PALM3: variants seen among roughly 807,000 people sequenced by gnomAD.
PALM3 encodes the protein paralemmin-3.
PALM3 carries 20 observed loss-of-function variants against 27.9 expected under a neutral mutation model. The observed-to-expected ratio is 0.72, with a 90% CI of 0.50 to 1.04. PALM3 has a LOEUF of 1.04. Among genes scored for constraint, PALM3 ranks in the 50% least tolerant of loss-of-function variants. PALM3 has a pLI of 0.00. For missense variants in PALM3, 814 were observed against 869.4 expected, an observed-to-expected ratio of 0.94 and a Z score of 0.80; for synonymous variants, 328 against 352.7, an observed-to-expected ratio of 0.93 and a Z score of 0.79.
chr19:14,056,915 A>C, intron 3 of PALM3, 111 bp from the exon 4 acceptor site: 1 of 1,125,986 alleles, frequency 8.9e-7, no homozygotes, highest in Non-Finnish European at 1.2e-6. Flanking sequence ...CCTCACAACC[A>C]GTTGCGACAT....
chr19:14,054,421 C>G lies in PALM3; in HGVS notation c.1251G>C (p.Met417Ile). The G allele has an allele frequency of 6.4e-7, 1 of 1,551,948 alleles. No individual in the cohort carries two copies. The highest frequency in any genetic ancestry group is 8.7e-7 in the Non-Finnish European group (1 of 1,147,008). The stretch of plus-strand genomic sequence containing the variant: ...CTGGCTTTTCCTCACTTCCTATTCC[C>G]ATGGATTCTTCCGCTTTTCTCTTCT... ...EAEKRKAEESMGIGSEEKPGT... is the reference protein window; with the variant it reads ...EAEKRKAEESIGIGSEEKPGT... The change falls in exon 7 of 7, where the codon ATG (methionine) becomes ATC (isoleucine). Residue 417 changes from methionine to isoleucine, a missense_variant. By Grantham distance (10) the Met-to-Ile change is conservative. Transcript: ENST00000669674.
rs1163225231 is a variant in PALM3 at position 14,055,373 on chromosome 19, C to T, written c.445+7G>A. ...TGACCCCCAGACCTAGGGGCTCCCA[C>T]ACTTACCTACAGAACCTGCCTCGAC... On this transcript the variant is annotated splice_region_variant and intron_variant, in intron 6 of 6. Coordinates refer to ENST00000669674, the MANE Select transcript of PALM3 (RefSeq NM_001145028.2). 1 of 1,550,026 alleles carries T rather than the reference C, an allele frequency of 6.5e-7. No individual in the cohort carries two copies.
In PALM3 at chr19:14,055,118, G is replaced by A. The variant is rs1429965671; in HGVS notation, c.554C>T (p.Pro185Leu). Residue 185 changes from proline (P) to leucine (L), a missense_variant, in exon 7 of 7, where the codon CCG becomes CTG. Transcript: ENST00000669674. ...TCCTGCTGCCCCGGGGACCTGCCTC[G>A]GGCCTGGCAGAAACCCCAAGACATC... ...REDVLGFLPGPRQVPGAAGDS... is the reference protein window; with the variant it reads ...REDVLGFLPGLRQVPGAAGDS... 1.3e-5 allele frequency: 20 copies of A among 1,551,408 alleles called. No homozygotes were observed. The highest frequency in any genetic ancestry group is 5.5e-5 in the African/African-American group (4 of 73,052).
rs149887813 is a variant in PALM3 at position 14,058,490 on chromosome 19, G to T, written c.90+625C>A. Among the ~76,000 whole-genome samples the T allele has an allele frequency of 1.5e-3, 223 of 151,920 alleles. 1 individual carries two copies. The highest frequency in any genetic ancestry group is 5.0e-3 in the African/African-American group (206 of 41,376). Reference sequence around the variant, plus strand: ...CAGAGATGGGGATCAAAAGGAGGATGCTAGTGAGTAGTGAGATGGGAGTGC... The same window carrying T: ...CAGAGATGGGGATCAAAAGGAGGATTCTAGTGAGTAGTGAGATGGGAGTGC... On this transcript the variant is annotated intron_variant, in intron 2 of 6. Coordinates refer to ENST00000669674, the MANE Select transcript of PALM3 (RefSeq NM_001145028.2).
intron 2 of PALM3, among the ~76,000 whole-genome samples, chr19:14,058,234 T>G (rs1599309975): frequency 3.7e-5 from 4 of 107,680 alleles, no homozygotes; most frequent in Admixed American, 2.3e-4. Flanking sequence ...GAGGTGGGGG[T>G]GCAGAGAGAT....
intron 2 of PALM3, among the ~76,000 whole-genome samples, chr19:14,058,183 G>A (rs1599309944): frequency 6.6e-6 from 1 of 151,420 alleles, no homozygotes; most frequent in African/African-American, 2.4e-5. Flanking sequence ...GGAGCCCAGA[G>A]TAATGGAGTG....
rs1439974211 is a variant in PALM3, at chr19:14,062,038, T to A, written c.-58A>T. 5 of 970,322 alleles carry A rather than the reference T, an allele frequency of 5.2e-6. No individual in the cohort carries two copies. In the East Asian group the frequency reaches 3.4e-4, roughly 67 times the overall value. 60.1% of individuals were successfully genotyped at this position (970,322 alleles called of 1,614,324 possible). A position where few individuals can be genotyped will look rare whatever the true frequency, so the allele number is the denominator to read the frequency against. ...GTTCTGGACCCACCACCCGCTTGCC[T>A]GAAGGTGCCCCGGAGGCTGTGACTT... On this transcript the variant is annotated 5_prime_UTR_variant, in exon 1 of 7. Coordinates refer to ENST00000669674, the MANE Select transcript of PALM3 (RefSeq NM_001145028.2).
At chr19:14,059,250 C>T in intron 1 of PALM3, 87 bp from the exon 2 acceptor site, 1 of 1,275,198 alleles carries the variant, frequency 7.8e-7, no homozygotes, top group Non-Finnish European at 1.0e-6. Flanking sequence ...TGGAAATTGC[C>T]CCGAGCCCAG....
rs1976288192 is a variant in PALM3 at position 14,055,423 on chromosome 19, A to C, written c.402T>G (p.Gly134=). The change falls in exon 6 of 7, where the codon GGT becomes GGG. Residue 134 remains glycine, a splice_region_variant and synonymous_variant. Transcript: ENST00000669674. ...PSGRPSWRRQ[G]HRPLSQSIVE... is the part of the protein sequence containing the mutation. ...CAATGGACTGGGAGAGAGGACGGTG[A>C]CCCTGCAGAGATGGCGGAGACAAGG... is the stretch of plus-strand genomic sequence containing the variant. 1 of 1,551,176 alleles carries C rather than the reference A, an allele frequency of 6.4e-7. No individual in the cohort carries two copies. Among genetic ancestry groups the C allele is most frequent in the Non-Finnish European group, 8.7e-7 (1 of 1,146,882 alleles).
In PALM3 at chr19:14,062,018, G is replaced by A. The variant is rs1166667323; in HGVS notation, c.-38C>T. 1 of 984,664 alleles carries A rather than the reference G, an allele frequency of 1.0e-6. No homozygotes were observed. The highest frequency in any genetic ancestry group is 1.2e-6 in the Non-Finnish European group (1 of 829,370). The allele number at this position is 984,664 out of a possible 1,614,324, so 61.0% of individuals were successfully genotyped here. On this transcript the variant is annotated 5_prime_UTR_variant, in exon 1 of 7. Transcript: ENST00000669674. ...GTTCACTTTCTGGTCTCCGAGTTCTGGACCCACCACCCGCTTGCCTGAAGG... is the reference window on the plus strand; with the variant it reads ...GTTCACTTTCTGGTCTCCGAGTTCTAGACCCACCACCCGCTTGCCTGAAGG...
In PALM3 at chr19:14,054,604, G is replaced by A. The variant is rs1181999319; in HGVS notation, c.1068C>T (p.Phe356=). ...QGGSGGEEGS[F]IWVERVTLSE... ...TGAGGGTCACTCTCTCCACCCAAATGAAGGATCCCTCCTCTCCTCCAGAGC... is the reference window on the plus strand; with the variant it reads ...TGAGGGTCACTCTCTCCACCCAAATAAAGGATCCCTCCTCTCCTCCAGAGC... Residue 356 remains phenylalanine, a synonymous_variant, in exon 7 of 7, where the codon TTC becomes TTT. Coordinates refer to ENST00000669674, the MANE Select transcript of PALM3 (RefSeq NM_001145028.2). 6.4e-7 allele frequency: 1 copy of A among 1,551,594 alleles called. No homozygotes were observed. Among genetic ancestry groups the A allele is most frequent in the Non-Finnish European group, 8.7e-7 (1 of 1,146,996 alleles).
In PALM3 at chr19:14,054,538, C is replaced by T. The variant is rs1455057346; in HGVS notation, c.1134G>A (p.Gly378=). 2 of 1,551,526 alleles carry T rather than the reference C, an allele frequency of 1.3e-6. No individual in the cohort carries two copies. Among genetic ancestry groups the T allele is most frequent in the Non-Finnish European group, 1.7e-6 (2 of 1,146,990 alleles). Residue 378 remains glycine, a synonymous_variant, in exon 7 of 7, where the codon GGG becomes GGA. Transcript: ENST00000669674. The part of the protein sequence containing the change: ...WEELLVEGLE[G]PEVAGRERGD... The stretch of plus-strand genomic sequence containing the variant: ...CTCTCTCCCTCCCTGCCACCTCGGG[C>T]CCTTCCAACCCCTCCACCAGCAGCT...
In PALM3 at chr19:14,053,727, G is replaced by T. The variant is rs1228328866; in HGVS notation, c.1945C>A (p.Pro649Thr). The part of the protein sequence containing the change: ...LLQGEGPSAN[P>T]SAHPVPTYAP... ...TAGGTGGGCACAGGGTGGGCACTGG[G>T]GTTGGCGCTGGGCCCCTCCCCCTGA... Residue 649 changes from proline (P) to threonine (T), a missense_variant, in exon 7 of 7, where the codon CCC becomes ACC. Transcript: ENST00000669674. 2 of 1,526,828 alleles carry T rather than the reference G, an allele frequency of 1.3e-6. No homozygotes were observed. Among genetic ancestry groups the T allele is most frequent in the Admixed American group, 4.2e-5 (2 of 47,410 alleles). 94.6% of individuals were successfully genotyped at this position (1,526,828 alleles called of 1,614,324 possible). A position where few individuals can be genotyped will look rare whatever the true frequency, so the allele number is the denominator to read the frequency against.
At chr19:14,055,450 C>T in intron 5 of PALM3, 25 bp from the exon 6 acceptor site, 1 of 1,550,596 alleles carries the variant, frequency 6.4e-7, no homozygotes, top group East Asian at 2.4e-5. Flanking sequence ...GAGACAAGGT[C>T]AGGCTGGCCC....
chr19:14,056,521 A>G lies in PALM3; in HGVS notation c.315-8T>C, dbSNP rs780616847. On this transcript the variant is annotated splice_polypyrimidine_tract_variant and splice_region_variant and intron_variant, in intron 4 of 6. Coordinates refer to ENST00000669674, the MANE Select transcript of PALM3 (RefSeq NM_001145028.2). ...TGCAGCTGGGACTGGAGTCTGAAGA[A>G]GAGAGAGGGCTGCTAGGAGCTGGGC... is the stretch of plus-strand genomic sequence containing the variant. 6.4e-7 allele frequency: 1 copy of G among 1,550,786 alleles called. No homozygotes were observed. The highest frequency in any genetic ancestry group is 8.7e-7 in the Non-Finnish European group (1 of 1,146,468).
At position 14,053,423 on chromosome 19, in the gene PALM3, A is replaced by T; in HGVS notation, c.*182T>A. 1.8e-6 allele frequency: 1 copy of T among 568,192 alleles called. No individual in the cohort carries two copies. The highest frequency in any genetic ancestry group is 2.8e-6 in the Non-Finnish European group (1 of 351,608). 35.2% of individuals were successfully genotyped at this position (568,192 alleles called of 1,614,324 possible). A position where few individuals can be genotyped will look rare whatever the true frequency, so the allele number is the denominator to read the frequency against. The stretch of plus-strand genomic sequence containing the variant: ...AAAGGCTTCATCGCAGAAGGAGGCC[A>T]GGGTTACAGGCAGTGGGCAAGGGGT... On this transcript the variant is annotated 3_prime_UTR_variant, in exon 7 of 7. Coordinates refer to ENST00000669674, the MANE Select transcript of PALM3 (RefSeq NM_001145028.2).
Position 14,056,707 on chromosome 19 carries a change from C to A in PALM3, c.269G>T (p.Gly90Val), listed in dbSNP as rs778874607. ...PTSKDPQSPE[G>V]QAQARIRNLE... The stretch of plus-strand genomic sequence containing the variant: ...GTTCCGGATTCGGGCCTGAGCCTGG[C>A]CCTCGGGTGACTGGGGGTCCTTCGA... The change falls in exon 4 of 7, where the codon GGC (glycine) becomes GTC (valine). Residue 90 changes from glycine (G) to valine (V), a missense_variant. By Grantham distance (109) the Gly-to-Val change is moderately radical. Transcript: ENST00000669674. The A allele has an allele frequency of 6.4e-7, 1 of 1,551,750 alleles. No individual in the cohort carries two copies. The highest frequency in any genetic ancestry group is 1.2e-5 in the South Asian group (1 of 84,064).
At chr19:14,060,520 G>A (rs1280960685) in intron 1 of PALM3, among the ~76,000 whole-genome samples, 1 of 152,022 alleles carries the variant, frequency 6.6e-6, no homozygotes, top group Middle Eastern at 3.2e-3. Flanking sequence ...TCCTCCCAAC[G>A]ACTCTAGGAG....
chr19:14,053,745 C>T lies in PALM3; in HGVS notation c.1927G>A (p.Glu643Lys). Residue 643 changes from glutamate to lysine, a missense_variant, in exon 7 of 7, where the codon GAG (glutamate) becomes AAG (lysine). By Grantham distance (56) the Glu-to-Lys change is moderately conservative (BLOSUM62 1). Transcript: ENST00000669674. ...GCACTGGGGTTGGCGCTGGGCCCCTCCCCCTGAAGCAGTGGCTGGCATTCG... is the reference window on the plus strand; with the variant it reads ...GCACTGGGGTTGGCGCTGGGCCCCTTCCCCTGAAGCAGTGGCTGGCATTCG... Reference protein sequence around the residue: ...PAECQPLLQGEGPSANPSAHP... With the variant: ...PAECQPLLQGKGPSANPSAHP... 1 of 1,532,532 alleles carries T rather than the reference C, an allele frequency of 6.5e-7. No individual in the cohort carries two copies. Among genetic ancestry groups the T allele is most frequent in the South Asian group, 1.2e-5 (1 of 80,278 alleles). 94.9% of individuals were successfully genotyped at this position (1,532,532 alleles called of 1,614,324 possible).
Sources: allele counts gnomAD v4.1 joint callset (sites outside exome capture counted in the v4.1 genomes callset), GRCh38; gene constraint gnomAD v4.1.1; transcripts MANE v1.5; gene names NCBI Gene and HGNC (gene_info 2026-07-23, HGNC 2026-07-21).